Variants in RERE observed in about 807,000 individuals in gnomAD.
RERE encodes arginine-glutamic acid dipeptide repeats, also known as arginine-glutamic acid dipeptide repeats protein.
Under a neutral mutation model 146.1 loss-of-function variants are expected in RERE, and 40 were observed. The observed-to-expected ratio is 0.27, with a 90% CI of 0.21 to 0.36. The LOEUF is 0.36. Ranked by LOEUF, RERE falls within the 10% of genes least tolerant of loss-of-function variation. The probability of loss-of-function intolerance (pLI) is 1.00; values close to 1 mark genes in which losing one functional copy is unlikely to be tolerated. For missense variants in RERE, 1,933 were observed against 2,138.7 expected, an observed-to-expected ratio of 0.90 and a Z score of 1.90; for synonymous variants, 1,003 against 866.0, an observed-to-expected ratio of 1.16 and a Z score of -2.78.
chr1:8,678,459 A>G (rs1198003273), intron 1 of RERE, among the ~76,000 whole-genome samples: 1 of 151,204 alleles, frequency 6.6e-6, no homozygotes, highest in African/African-American at 2.4e-5. Flanking sequence ...CCTGGCTAAC[A>G]TGGTGAAACC....
At chr1:8,414,974 T>C (rs1371751831) in intron 12 of RERE, among the ~76,000 whole-genome samples, 1 of 152,218 alleles carries the variant, frequency 6.6e-6, no homozygotes, top group Non-Finnish European at 1.5e-5. Flanking sequence ...TCTATTTTCC[T>C]AAGTATTACT....
intron 2 of RERE, among the ~76,000 whole-genome samples, chr1:8,631,891 G>A (rs1184680885): frequency 5.9e-5 from 9 of 152,192 alleles, no homozygotes; most frequent in African/African-American, 2.2e-4. Flanking sequence ...AGTAGTGCTT[G>A]TGGCACCACA....
Position 8,693,410 on chromosome 1 carries a change from G to A in RERE, c.-144-36969C>T, listed in dbSNP as rs138174500. On this transcript the variant is annotated intron_variant, in intron 1 of 22. Coordinates refer to ENST00000400908, the MANE Select transcript of RERE (RefSeq NM_001042681.2). ...AGCTACATGATGGAATATTATCAGT[G>A]ATAAAAAGTAGTGAGCTATCATGCT... is the stretch of plus-strand genomic sequence containing the variant. Among the ~76,000 whole-genome samples the A allele has an allele frequency of 2.3e-3, 343 of 152,304 alleles. 1 individual carries two copies. Among genetic ancestry groups the A allele is most frequent in the African/African-American group, 8.0e-3 (334 of 41,566 alleles).
At chr1:8,708,843 A>G (rs1639608162) in intron 1 of RERE, among the ~76,000 whole-genome samples, 1 of 151,488 alleles carries the variant, frequency 6.6e-6, no homozygotes, top group African/African-American at 2.4e-5. Flanking sequence ...TTTTAAGCAA[A>G]CTATCTACTT....
chr1:8,477,202 AT>A (rs1644767457), intron 10 of RERE, among the ~76,000 whole-genome samples: 1 of 152,202 alleles, frequency 6.6e-6, no homozygotes, highest in South Asian at 2.1e-4. Flanking sequence ...CAGCCACAGA[AT>A]AGTAGAAAGG....
chr1:8,598,312 A>G (rs1197973288), intron 4 of RERE, among the ~76,000 whole-genome samples: 1 of 152,220 alleles, frequency 6.6e-6, no homozygotes, highest in African/African-American at 2.4e-5. Flanking sequence ...CCAGGAACAC[A>G]CTGGAGAGAA....
chr1:8,432,932 A>AGGGT (rs1343886697), intron 11 of RERE, among the ~76,000 whole-genome samples: 2 of 152,218 alleles, frequency 1.3e-5, no homozygotes, highest in Non-Finnish European at 2.9e-5. Flanking sequence ...AGAGGAATAA[A>AGGGT]GGGTGTGATA....
intron 1 of RERE, among the ~76,000 whole-genome samples, chr1:8,696,034 G>A (rs1382478039): frequency 7.2e-5 from 11 of 151,814 alleles, no homozygotes; most frequent in South Asian, 2.1e-4. Context: ...ATGAAATATC[G>A]TCTCACGCCA....
chr1:8,489,911 G>A (rs11121188), intron 10 of RERE, among the ~76,000 whole-genome samples: 38,684 of 151,880 alleles, frequency 0.25, 5,635 homozygotes, highest in Non-Finnish European at 0.33. Flanking sequence ...TTAGCCAGGC[G>A]TGGTGGCGAG....
At chr1:8,736,614 T>C (rs930013124) in intron 1 of RERE, among the ~76,000 whole-genome samples, 1 of 152,106 alleles carries the variant, frequency 6.6e-6, no homozygotes, top group Non-Finnish European at 1.5e-5. Context: ...TTCAAAAATA[T>C]AATAATCTTG....
chr1:8,812,608 C>T (rs1482943365), intron 1 of RERE, among the ~76,000 whole-genome samples: 4 of 152,056 alleles, frequency 2.6e-5, no homozygotes, highest in East Asian at 3.9e-4. Context: ...ATCGTGCCAT[C>T]GCACTCCAGC....
chr1:8,646,556 C>CA lies in RERE; in HGVS notation c.325+9416dup, dbSNP rs568370827. On this transcript the variant is annotated intron_variant, in intron 2 of 22. Transcript: ENST00000400908. ...CGCCACTCAAAAAAAAACAAACAAA[C>CA]AAAAAAAAAACAGGGTCATCATTGC... Among the ~76,000 whole-genome samples, 884 of 144,218 alleles carry CA rather than the reference C, an allele frequency of 6.1e-3. 7 individuals carry two copies. The highest frequency in any genetic ancestry group is 0.025 in the East Asian group (125 of 4,960). 94.6% of individuals were successfully genotyped at this position (144,218 alleles called of 152,430 possible).
chr1:8,433,327 G>T (rs974443869), intron 11 of RERE, among the ~76,000 whole-genome samples: 4 of 152,148 alleles, frequency 2.6e-5, no homozygotes, highest in African/African-American at 9.7e-5. Context: ...TTTCCAAAAA[G>T]ACATCTTGTC....
intron 12 of RERE, among the ~76,000 whole-genome samples, chr1:8,420,723 T>C (rs1202467692): frequency 2.6e-5 from 4 of 152,050 alleles, no homozygotes; most frequent in African/African-American, 7.2e-5. Context: ...ACTTTGGAAA[T>C]AGGAAAACTG....
intron 11 of RERE, among the ~76,000 whole-genome samples, chr1:8,451,140 C>T (rs1644385540): frequency 6.6e-6 from 1 of 152,184 alleles, no homozygotes; most frequent in Non-Finnish European, 1.5e-5. Flanking sequence ...AGTCAATACT[C>T]ACTACCTCAG....
At chr1:8,650,653 C>CTT (rs933388655) in intron 2 of RERE, among the ~76,000 whole-genome samples, 5 of 152,100 alleles carry the variant, frequency 3.3e-5, no homozygotes, top group African/African-American at 1.2e-4. Flanking sequence ...AATCCCAGCA[C>CTT]TTTAGGAGGC....
chr1:8,468,983 C>T (rs1644643417), intron 10 of RERE, among the ~76,000 whole-genome samples: 1 of 151,812 alleles, frequency 6.6e-6, no homozygotes, highest in African/African-American at 2.4e-5. Flanking sequence ...GCCTGGATTC[C>T]AACTCTAGCT....
chr1:8,361,691 AG>A, intron 17 of RERE, 71 bp downstream of exon 17: 2 of 1,425,528 alleles, frequency 1.4e-6, no homozygotes, highest in Admixed American at 3.4e-5. Flanking sequence ...GCCACCAACT[AG>A]GGAGAACCCC....
intron 2 of RERE, among the ~76,000 whole-genome samples, chr1:8,638,720 G>A (rs1447690837): frequency 6.7e-6 from 1 of 149,986 alleles, no homozygotes; most frequent in Non-Finnish European, 1.5e-5. Flanking sequence ...TTTATTCCTT[G>A]AAAATGTATT....
Sources: gnomAD v4.1 joint callset for allele counts (sites outside exome capture counted in the v4.1 genomes callset) on GRCh38, gnomAD v4.1.1 for gene constraint, MANE v1.5 for transcripts, NCBI Gene and HGNC (gene_info 2026-07-23, HGNC 2026-07-21) for gene names.